Variants in PDE4D observed in about 807,000 individuals in gnomAD.
PDE4D encodes 3',5'-cyclic-AMP phosphodiesterase 4D.
A neutral mutation model predicts 87.4 loss-of-function variants in PDE4D; 24 were observed. The observed-to-expected ratio is 0.27, with a 90% CI of 0.20 to 0.39. PDE4D has a LOEUF of 0.39. PDE4D is among the 10% of genes least tolerant of loss of function. PDE4D has a pLI of 1.00. For missense variants in PDE4D, 714 were observed against 1,041.0 expected, an observed-to-expected ratio of 0.69 and a Z score of 4.32; for synonymous variants, 384 against 383.2, an observed-to-expected ratio of 1.00 and a Z score of -0.02.
chr5:59,377,286 G>A (rs571169200), intron 1 of PDE4D, among the ~76,000 whole-genome samples: 5 of 151,950 alleles, frequency 3.3e-5, no homozygotes, highest in East Asian at 1.9e-4. Flanking sequence ...GCGTGGTGGC[G>A]GGCGCCTGTA....
At chr5:59,856,689 T>G (rs892941933) in intron 1 of PDE4D, among the ~76,000 whole-genome samples, 5 of 152,192 alleles carry the variant, frequency 3.3e-5, no homozygotes, top group African/African-American at 1.2e-4. Flanking sequence ...AACTTTCAAC[T>G]GAAGTAAATC....
intron 3 of PDE4D, 36 bp downstream of exon 3, chr5:59,193,464 T>C: frequency 6.3e-7 from 1 of 1,595,336 alleles, no homozygotes; most frequent in Non-Finnish European, 8.6e-7. Context: ...TTTTTACATC[T>C]GTGAGAAACC....
At chr5:60,096,603 C>T (rs1441557690) in intron 2 of PDE4D, among the ~76,000 whole-genome samples, 1 of 152,066 alleles carries the variant, frequency 6.6e-6, no homozygotes, top group Non-Finnish European at 1.5e-5. Flanking sequence ...TTGTACTCCA[C>T]CTCATGTCAT....
chr5:60,385,282 C>A (rs1425303895), intron 1 of PDE4D, among the ~76,000 whole-genome samples: 1 of 152,206 alleles, frequency 6.6e-6, no homozygotes, highest in Non-Finnish European at 1.5e-5. Context: ...AATGACCAGA[C>A]AACTGCTGTG....
intron 1 of PDE4D, among the ~76,000 whole-genome samples, chr5:60,258,028 A>G (rs541542395): frequency 2.0e-5 from 3 of 152,126 alleles, no homozygotes; most frequent in African/African-American, 7.2e-5. Flanking sequence ...GGAAGAATGA[A>G]GCCTGCCACA....
intron 2 of PDE4D, among the ~76,000 whole-genome samples, chr5:60,184,887 G>A (rs1023593049): frequency 1.2e-4 from 18 of 152,146 alleles, no homozygotes; most frequent in Non-Finnish European, 2.2e-4. Flanking sequence ...CTTAGCGCTT[G>A]CTTGATGGAA....
chr5:59,402,478 T>G (rs1228601895), intron 1 of PDE4D, among the ~76,000 whole-genome samples: 1 of 152,128 alleles, frequency 6.6e-6, no homozygotes, highest in African/African-American at 2.4e-5. Flanking sequence ...GTCACACTTC[T>G]GCCAATAAAG....
At chr5:59,539,227 G>T (rs1465820371) in intron 1 of PDE4D, among the ~76,000 whole-genome samples, 2 of 152,146 alleles carry the variant, frequency 1.3e-5, no homozygotes, top group Non-Finnish European at 2.9e-5. Context: ...TATTTGTTAA[G>T]TGAATTAATC....
At chr5:60,278,504 C>A (rs1001963861) in intron 1 of PDE4D, among the ~76,000 whole-genome samples, 1 of 152,096 alleles carries the variant, frequency 6.6e-6, no homozygotes, top group Non-Finnish European at 1.5e-5. Flanking sequence ...TTTCTCGTCT[C>A]TTTCTGTACT....
intron 5 of PDE4D, among the ~76,000 whole-genome samples, chr5:59,087,139 A>G (rs1358341151): frequency 6.6e-6 from 1 of 152,180 alleles, no homozygotes; most frequent in Non-Finnish European, 1.5e-5. Context: ...CAAAGCCAAA[A>G]TGCAGGCACA....
intron 3 of PDE4D, among the ~76,000 whole-genome samples, chr5:59,973,603 C>T (rs548862107): frequency 8.0e-4 from 121 of 152,160 alleles, no homozygotes; most frequent in African/African-American, 2.8e-3. Flanking sequence ...ACAGAACATA[C>T]CAGAATTTAT....
chr5:59,771,461 GAA>G (rs1251104718), intron 1 of PDE4D, among the ~76,000 whole-genome samples: 4 of 68,820 alleles, frequency 5.8e-5, no homozygotes, highest in African/African-American at 2.7e-4. Context: ...AAGAAAGAAA[GAA>G]AGAAAGAAAG....
intron 2 of PDE4D, among the ~76,000 whole-genome samples, chr5:60,035,656 G>C (rs1346247293): frequency 6.6e-6 from 1 of 152,142 alleles, no homozygotes; most frequent in Non-Finnish European, 1.5e-5. Context: ...AATTTGTAGT[G>C]GGTTAATCTT....
chr5:59,920,993 A>T (rs1754606282), intron 3 of PDE4D, among the ~76,000 whole-genome samples: 1 of 152,150 alleles, frequency 6.6e-6, no homozygotes. Context: ...GTGCACATGT[A>T]CCCTAGAACT....
chr5:60,328,319 A>G (rs1434403950), intron 1 of PDE4D, among the ~76,000 whole-genome samples: 1 of 152,210 alleles, frequency 6.6e-6, no homozygotes, highest in East Asian at 1.9e-4. Context: ...TAGCTCTCCA[A>G]GGGAAAAAGA....
chr5:60,389,377 TA>T lies in PDE4D; in HGVS notation c.-90+98564del, dbSNP rs1292340770. Among the ~76,000 whole-genome samples the T allele has an allele frequency of 4.6e-5, 7 of 151,588 alleles. No individual in the cohort carries two copies. In the East Asian group the frequency reaches 1.3e-3, roughly 29 times the overall value. The stretch of plus-strand genomic sequence containing the variant: ...AGAGAATAAAAAAACTCTAAATGAT[TA>T]AAAAATTTTAATCATATGATTTATA... On this transcript the variant is annotated intron_variant, in intron 1 of 16. Coordinates refer to the PDE4D transcript ENST00000502484.
chr5:60,340,788 A>G (rs1221554714), intron 1 of PDE4D, among the ~76,000 whole-genome samples: 2 of 152,178 alleles, frequency 1.3e-5, no homozygotes, highest in Admixed American at 6.5e-5. Flanking sequence ...ACATATAAAG[A>G]CAAATAATAA....
chr5:59,418,265 A>T (rs183939714), intron 1 of PDE4D, among the ~76,000 whole-genome samples: 1 of 152,270 alleles, frequency 6.6e-6, no homozygotes. Flanking sequence ...TGACCCTAAA[A>T]ATATAGTCTC....
rs372419600 is a variant in PDE4D, at chr5:60,461,554, T to C, written c.-90+26388A>G. On this transcript the variant is annotated intron_variant, in intron 1 of 16. Transcript: ENST00000502484. ...AGAAGTATCTGGGAATTATAAAATATTTGATTCTGTAATCACATCAGAGGA... is the reference window on the plus strand; with the variant it reads ...AGAAGTATCTGGGAATTATAAAATACTTGATTCTGTAATCACATCAGAGGA... 3.3e-5 allele frequency among the ~76,000 whole-genome samples: 5 copies of C among 152,358 alleles called. No individual in the cohort carries two copies. The East Asian group carries it at 7.7e-4, about 24-fold the overall frequency.
Sources: allele counts gnomAD v4.1 joint callset (sites outside exome capture counted in the v4.1 genomes callset), GRCh38; gene constraint gnomAD v4.1.1; transcripts MANE v1.5; gene names NCBI Gene and HGNC (gene_info 2026-07-23, HGNC 2026-07-21).